Variants in LRP1B observed in about 807,000 individuals in gnomAD.
LRP1B encodes low-density lipoprotein receptor-related protein 1B.
Under a neutral mutation model 556.6 loss-of-function variants are expected in LRP1B, and 217 were observed. That is an observed-to-expected ratio of 0.39 (90% CI 0.35 to 0.44). The LOEUF is 0.44. Ranked by LOEUF, LRP1B falls within the 20% of genes least tolerant of loss-of-function variation. LRP1B has a pLI of 1.00. For synonymous variants in LRP1B, 2,047 were observed against 1,865.8 expected (o/e 1.10, Z -2.50); for missense variants, 5,053 against 5,620.8 (o/e 0.90, Z 3.23).
At chr2:141,339,707 A>C (rs552509177) in intron 3 of LRP1B, among the ~76,000 whole-genome samples, 1 of 152,328 alleles carries the variant, frequency 6.6e-6, no homozygotes, top group Non-Finnish European at 1.5e-5. Flanking sequence ...CAATCATATT[A>C]AAAGATTTTC....
chr2:140,789,618 C>CTTTTTTTTTTTTTTT lies in LRP1B; in HGVS notation c.5360-13395_5360-13381dup, dbSNP rs756120273. Among the ~76,000 whole-genome samples the CTTTTTTTTTTTTTTT allele has an allele frequency of 7.0e-5, 5 of 71,754 alleles. 1 individual carries two copies. The highest frequency in any genetic ancestry group is 1.3e-4 in the Non-Finnish European group (5 of 38,142). 47.1% of individuals were successfully genotyped at this position (71,754 alleles called of 152,430 possible). On this transcript the variant is annotated intron_variant, in intron 32 of 90. Transcript: ENST00000389484. ...GCCAAGCACGATCTAGCTTTAAGGA[C>CTTTTTTTTTTTTTTT]TTTTTTTTTTTTTTTTTTTTTTTTT...
At chr2:141,504,339 C>T (rs1574021887) in intron 2 of LRP1B, among the ~76,000 whole-genome samples, 1 of 152,110 alleles carries the variant, frequency 6.6e-6, no homozygotes, top group African/African-American at 2.4e-5. Context: ...CAAATTAATT[C>T]AGTAAGGCCT....
At chr2:141,226,862 C>A (rs1263713182) in intron 6 of LRP1B, among the ~76,000 whole-genome samples, 2 of 152,144 alleles carry the variant, frequency 1.3e-5, no homozygotes, top group Non-Finnish European at 2.9e-5. Context: ...CTGCCCCACT[C>A]CCATCATCAA....
At chr2:140,642,035 TG>T (rs1467119691) in intron 41 of LRP1B, among the ~76,000 whole-genome samples, 1 of 152,098 alleles carries the variant, frequency 6.6e-6, no homozygotes, top group Non-Finnish European at 1.5e-5. Flanking sequence ...AGATAACCAT[TG>T]ATGATTCTGA....
At chr2:140,718,757 C>T (rs1574277809) in intron 35 of LRP1B, among the ~76,000 whole-genome samples, 1 of 152,090 alleles carries the variant, frequency 6.6e-6, no homozygotes, top group East Asian at 1.9e-4. Context: ...TCCTCCCTCG[C>T]CTAATTTTCT....
chr2:140,883,191 C>T (rs371795802), intron 25 of LRP1B, among the ~76,000 whole-genome samples: 1 of 152,264 alleles, frequency 6.6e-6, no homozygotes, highest in East Asian at 1.9e-4. Flanking sequence ...AATCCAGTGC[C>T]TCTCTTCTGC....
intron 68 of LRP1B, among the ~76,000 whole-genome samples, chr2:140,375,107 A>G (rs1001133345): frequency 6.6e-6 from 1 of 151,704 alleles, no homozygotes; most frequent in African/African-American, 2.4e-5. Flanking sequence ...GCAACCTCCA[A>G]AGTGATTAAT....
intron 3 of LRP1B, among the ~76,000 whole-genome samples, chr2:141,331,876 C>G (rs1429882760): frequency 1.3e-5 from 2 of 152,146 alleles, no homozygotes; most frequent in South Asian, 4.1e-4. Context: ...GACTAATTAC[C>G]CTTGTTCTAC....
intron 2 of LRP1B, among the ~76,000 whole-genome samples, chr2:141,673,003 C>T (rs1168858328): frequency 6.6e-6 from 1 of 152,118 alleles, no homozygotes; most frequent in East Asian, 1.9e-4. Context: ...TTAACACATT[C>T]CCCTACCCTA....
At chr2:141,275,448 C>A (rs1205966108) in intron 3 of LRP1B, among the ~76,000 whole-genome samples, 6 of 152,130 alleles carry the variant, frequency 3.9e-5, no homozygotes, top group Admixed American at 3.3e-4. Flanking sequence ...GTGGCTCATG[C>A]CTGCAATCCC....
At chr2:140,754,232 T>C (rs288110) in intron 35 of LRP1B, among the ~76,000 whole-genome samples, 77,131 of 151,946 alleles carry the variant, frequency 0.51, 20,644 homozygotes, top group African/African-American at 0.67. Context: ...GTTTTACGAG[T>C]GCAGCAAACT....
chr2:140,748,131 ATATAT>A (rs1559093671), intron 35 of LRP1B, among the ~76,000 whole-genome samples: 13,536 of 62,392 alleles, frequency 0.22, 1,407 homozygotes, highest in South Asian at 0.27. Context: ...ATATATATAT[ATATAT>A]AATTCATATA....
intron 7 of LRP1B, among the ~76,000 whole-genome samples, chr2:141,065,342 ATTCCT>A (rs1699450975): frequency 6.6e-6 from 1 of 151,936 alleles, no homozygotes; most frequent in African/African-American, 2.4e-5. Flanking sequence ...CTCATAATCA[ATTCCT>A]TTAACAATGT....
intron 3 of LRP1B, among the ~76,000 whole-genome samples, chr2:141,372,456 T>G (rs1299787896): frequency 6.6e-6 from 1 of 152,128 alleles, no homozygotes; most frequent in African/African-American, 2.4e-5. Flanking sequence ...GGATTACTGG[T>G]ATTGGTTCAT....
intron 2 of LRP1B, among the ~76,000 whole-genome samples, chr2:141,768,097 A>G (rs1694785692): frequency 6.6e-6 from 1 of 152,154 alleles, no homozygotes; most frequent in Admixed American, 6.6e-5. Flanking sequence ...CAAATTAAAT[A>G]TCCTCAGGAT....
At chr2:140,432,170 G>A (rs1288474505) in intron 66 of LRP1B, among the ~76,000 whole-genome samples, 2 of 151,930 alleles carry the variant, frequency 1.3e-5, no homozygotes, top group Non-Finnish European at 2.9e-5. Context: ...GCCCATCCTG[G>A]CTCAAAAACT....
intron 85 of LRP1B, among the ~76,000 whole-genome samples, chr2:140,273,515 ATGT>A (rs1682551382): frequency 6.6e-6 from 1 of 152,054 alleles, no homozygotes; most frequent in Non-Finnish European, 1.5e-5. Flanking sequence ...AAATAAAAAA[ATGT>A]TGATGCTCTT....
chr2:140,800,248 T>C (rs980543256), intron 32 of LRP1B, among the ~76,000 whole-genome samples: 3 of 152,000 alleles, frequency 2.0e-5, no homozygotes, highest in African/African-American at 7.2e-5. Flanking sequence ...GGGCCTGTCA[T>C]AGGGGAGGAG....
intron 67 of LRP1B, among the ~76,000 whole-genome samples, chr2:140,384,494 T>C (rs1014751300): frequency 6.6e-6 from 1 of 152,218 alleles, no homozygotes; most frequent in African/African-American, 2.4e-5. Flanking sequence ...GCTCTTTATC[T>C]TTCTAAAGAC....
Sources: gnomAD v4.1 joint callset for allele counts (sites outside exome capture counted in the v4.1 genomes callset) on GRCh38, gnomAD v4.1.1 for gene constraint, MANE v1.5 for transcripts, NCBI Gene and HGNC (gene_info 2026-07-23, HGNC 2026-07-21) for gene names.